The following TUT7 variants were observed in gnomAD, a reference collection of about 807,000 sequenced individuals.
TUT7 encodes terminal uridylyltransferase 7.
A neutral mutation model predicts 165.9 loss-of-function variants in TUT7; 33 were observed. The observed-to-expected ratio is 0.20, with a 90% CI of 0.15 to 0.27. The LOEUF is 0.27. Among genes scored for constraint, TUT7 ranks in the 10% least tolerant of loss-of-function variants. The pLI is 1.00. For missense variants in TUT7, 1,338 were observed against 1,762.3 expected (o/e 0.76, Z 4.31); for synonymous variants, 552 against 608.1 (o/e 0.91, Z 1.36).
intron 12 of TUT7, among the ~76,000 whole-genome samples, chr9:86,325,042 C>T (rs1829666594): frequency 1.3e-5 from 2 of 152,162 alleles, no homozygotes. Context: ...TTACACATCA[C>T]TGTGAAAAAC....
rs182108583 is a variant in TUT7, at chr9:86,332,602, G to A, written c.1456-4110C>T. On this transcript the variant is annotated intron_variant, in intron 10 of 26. Transcript: ENST00000375963. ...AGAAAAAATAACTATTGGGTACTAC[G>A]CTTAGTACCTGGGTGATAAAATAAT... Among the ~76,000 whole-genome samples, 19 of 152,260 alleles carry A rather than the reference G, an allele frequency of 1.2e-4. 1 individual carries two copies. The Middle Eastern group carries it at 0.027, about 218-fold the overall frequency.
chr9:86,327,727 G>A (rs1829921813), intron 11 of TUT7, among the ~76,000 whole-genome samples: 1 of 152,200 alleles, frequency 6.6e-6, no homozygotes, highest in South Asian at 2.1e-4. Context: ...AGTAAAACAT[G>A]AACTGGAGGA....
chr9:86,328,738 A>T (rs1000992803), intron 10 of TUT7, among the ~76,000 whole-genome samples: 1 of 152,226 alleles, frequency 6.6e-6, no homozygotes, highest in African/African-American at 2.4e-5. Flanking sequence ...AGAGTAGGCA[A>T]AATGGCCTAG....
At chr9:86,298,183 CAT>C (rs1826531085) in intron 26 of TUT7, among the ~76,000 whole-genome samples, 1 of 152,168 alleles carries the variant, frequency 6.6e-6, no homozygotes, top group African/African-American at 2.4e-5. Flanking sequence ...TTTGCCACCA[CAT>C]GACATATTAT....
At chr9:86,340,889 AC>A in intron 7 of TUT7, 112 bp downstream of exon 7, 1 of 766,802 alleles carries the variant, frequency 1.3e-6, no homozygotes, top group Non-Finnish European at 2.2e-6. Context: ...TTTGGATATT[AC>A]CCACATAAAT....
At chr9:86,306,572 T>A (rs1827507699) in intron 22 of TUT7, among the ~76,000 whole-genome samples, 1 of 152,094 alleles carries the variant, frequency 6.6e-6, no homozygotes, top group East Asian at 1.9e-4. Context: ...TTTGGGAGGC[T>A]GAGGTGGGCT....
chr9:86,346,023 G>A (rs1420913152), intron 3 of TUT7, among the ~76,000 whole-genome samples: 2 of 152,028 alleles, frequency 1.3e-5, no homozygotes, highest in Admixed American at 1.3e-4. Context: ...AGTAACTGGG[G>A]CTACAGGCAT....
At chr9:86,322,271 G>C in intron 14 of TUT7, 54 bp downstream of exon 14, 2 of 1,534,364 alleles carry the variant, frequency 1.3e-6, no homozygotes, top group South Asian at 1.1e-5. Flanking sequence ...CTAAAGACTC[G>C]AGTAAATGTC....
chr9:86,331,786 A>AT (rs1252137597), intron 10 of TUT7, among the ~76,000 whole-genome samples: 1 of 152,190 alleles, frequency 6.6e-6, no homozygotes, highest in East Asian at 1.9e-4. Flanking sequence ...AAACTGAAGA[A>AT]TTTTTGCATA....
At chr9:86,345,635 G>A in intron 4 of TUT7, 34 bp downstream of exon 4, 1 of 1,474,456 alleles carries the variant, frequency 6.8e-7, no homozygotes, top group East Asian at 2.3e-5. Flanking sequence ...CAACTAACAA[G>A]TAAGCAGACT....
chr9:86,353,039 T>C lies in TUT7; in HGVS notation c.161A>G (p.Lys54Arg), dbSNP rs1832435615. ...GSKMEKGLQK[K>R]KITPGNYGNT... The stretch of plus-strand genomic sequence containing the variant: ...CCCATAGTTCCCTGGTGTTATCTTC[T>C]TTTTTTGAAGGCCCTTTTCCATTTT... Residue 54 changes from lysine (K) to arginine (R), a missense_variant, in exon 2 of 27, where the codon AAG becomes AGG. Coordinates refer to ENST00000375963, the MANE Select transcript of TUT7 (RefSeq NM_024617.4). The C allele has an allele frequency of 1.9e-6, 3 of 1,614,194 alleles. No individual in the cohort carries two copies. Among genetic ancestry groups the C allele is most frequent in the Non-Finnish European group, 2.5e-6 (3 of 1,180,016 alleles).
At chr9:86,319,745 T>C in intron 14 of TUT7, 75 bp from the exon 15 acceptor site, 1 of 1,014,722 alleles carries the variant, frequency 9.9e-7, no homozygotes, top group Non-Finnish European at 1.4e-6. Flanking sequence ...AAAAATTTAT[T>C]TTTTAGAAAA....
intron 26 of TUT7, among the ~76,000 whole-genome samples, chr9:86,300,550 T>C (rs1352654439): frequency 1.3e-5 from 2 of 152,232 alleles, no homozygotes; most frequent in Non-Finnish European, 2.9e-5. Context: ...TCATTACTTA[T>C]TATACACACA....
intron 10 of TUT7, among the ~76,000 whole-genome samples, chr9:86,333,813 C>G (rs528524594): frequency 6.1e-5 from 9 of 147,602 alleles, no homozygotes; most frequent in Admixed American, 1.4e-4. Flanking sequence ...ACTGGGTAAA[C>G]AGGCTTTTAG....
intron 5 of TUT7, among the ~76,000 whole-genome samples, chr9:86,344,114 GAACA>G (rs982293691): frequency 1.6e-4 from 25 of 152,238 alleles, no homozygotes; most frequent in African/African-American, 2.6e-4. Flanking sequence ...TCTTTCAGTA[GAACA>G]AACAGTTTTA....
rs12684381 is a variant in TUT7, at chr9:86,320,895, T to G, written c.3029-1225A>C. 3.8e-3 allele frequency among the ~76,000 whole-genome samples: 574 copies of G among 152,324 alleles called. 5 individuals carry two copies. Among genetic ancestry groups the G allele is most frequent in the South Asian group, 0.019 (93 of 4,828 alleles). On this transcript the variant is annotated intron_variant, in intron 14 of 26. Transcript: ENST00000375963. ...CATCCTTACTTTGTATCCTGGCTTA[T>G]AACAGGCCATGCATTTTTGTAGCAA...
At chr9:86,344,914 T>G (rs978267357) in intron 5 of TUT7, 63 bp downstream of exon 5, 3 of 1,360,916 alleles carry the variant, frequency 2.2e-6, no homozygotes, top group Non-Finnish European at 3.0e-6. Context: ...AAATTACTAT[T>G]GGTAGGAGAA....
chr9:86,345,585 G>A, intron 4 of TUT7, 84 bp downstream of exon 4: 1 of 963,554 alleles, frequency 1.0e-6, no homozygotes, highest in Non-Finnish European at 1.6e-6. Context: ...CAATATCATA[G>A]CCTTAAGGAG....
At position 86,345,145 on chromosome 9, in the gene TUT7, C is replaced by T. The variant is rs768786445; in HGVS notation, c.829G>A (p.Glu277Lys). The change falls in exon 5 of 27, where the codon GAG becomes AAG. Residue 277 changes from glutamate to lysine, a missense_variant. Glu to Lys is a moderately conservative substitution (Grantham distance 56, BLOSUM62 1). Around this residue, in one of 7 missense-constraint regions of TUT7, gnomAD observed 434 missense variants for 480.8 expected, o/e 0.90. Transcript: ENST00000375963. ...GGTAACGTAGTGAGCAACTCTTCCT[C>T]TTGCTTCTCCTTTTAAGATCAAATG... ...RHKKNIKEKQ[E>K]EELLTTLPPP... is the part of the protein sequence containing the mutation. 4 of 1,602,916 alleles carry T rather than the reference C, an allele frequency of 2.5e-6. No homozygotes were observed. The South Asian group carries it at 4.5e-5, about 18-fold the overall frequency.
Sources: allele counts gnomAD v4.1 joint callset (sites outside exome capture counted in the v4.1 genomes callset), GRCh38; gene constraint gnomAD v4.1.1; regional missense constraint gnomAD v4.1.1; transcripts MANE v1.5; gene names NCBI Gene and HGNC (gene_info 2026-07-23, HGNC 2026-07-21).